Variants in AGBL4 observed in about 807,000 individuals in gnomAD.
AGBL4 encodes the protein cytosolic carboxypeptidase 6.
In AGBL4, 58 loss-of-function variants were observed where a neutral mutation model predicts 66.4. The observed-to-expected ratio is 0.87, with a 90% CI of 0.71 to 1.09. AGBL4 has a LOEUF of 1.09. AGBL4 is among the 50% of genes least tolerant of loss of function. The probability of loss-of-function intolerance (pLI) is 0.00; values close to 1 mark genes in which losing one functional copy is unlikely to be tolerated. For missense variants in AGBL4, 579 were observed against 631.0 expected, an observed-to-expected ratio of 0.92 and a Z score of 0.88; for synonymous variants, 234 against 222.9, an observed-to-expected ratio of 1.05 and a Z score of -0.44.
At chr1:48,568,202 A>G (rs1644505781) in intron 11 of AGBL4, among the ~76,000 whole-genome samples, 1 of 152,148 alleles carries the variant, frequency 6.6e-6, no homozygotes, top group Non-Finnish European at 1.5e-5. Context: ...ATGCTTAAGC[A>G]GGGAACATAA....
chr1:49,976,723 T>C (rs1213286907), intron 1 of AGBL4, among the ~76,000 whole-genome samples: 1 of 152,196 alleles, frequency 6.6e-6, no homozygotes, highest in African/African-American at 2.4e-5. Context: ...GAATATAAAA[T>C]TCCTATGCTA....
At chr1:48,681,750 T>C (rs917136516) in intron 6 of AGBL4, among the ~76,000 whole-genome samples, 2 of 151,948 alleles carry the variant, frequency 1.3e-5, no homozygotes, top group Non-Finnish European at 2.9e-5. Flanking sequence ...AGTAAGGCCT[T>C]GAGGGATGCG....
At chr1:49,943,928 C>T (rs1281841460) in intron 1 of AGBL4, among the ~76,000 whole-genome samples, 1 of 152,036 alleles carries the variant, frequency 6.6e-6, no homozygotes, top group Non-Finnish European at 1.5e-5. Context: ...GAAACAGACT[C>T]AGTGCTGTTG....
At chr1:49,130,093 T>C (rs1292798573) in intron 4 of AGBL4, among the ~76,000 whole-genome samples, 1 of 152,208 alleles carries the variant, frequency 6.6e-6, no homozygotes, top group Non-Finnish European at 1.5e-5. Context: ...CATGTGTCTG[T>C]TGGCTGCATA....
Position 49,216,223 on chromosome 1 carries a change from T to C in AGBL4, c.377+29547A>G, listed in dbSNP as rs1018365610. On this transcript the variant is annotated intron_variant, in intron 4 of 13. Coordinates refer to ENST00000371839, the MANE Select transcript of AGBL4 (RefSeq NM_032785.4). ...AGTTAGACCACTGGTTGCCAATCTC[T>C]GCAAAGACAAAAGCTTTTATTATTT... 4.6e-5 allele frequency among the ~76,000 whole-genome samples: 7 copies of C among 152,300 alleles called. No homozygotes were observed. The Middle Eastern group carries it at 0.01, about 222-fold the overall frequency.
chr1:49,215,053 C>A (rs1015299146), intron 4 of AGBL4, among the ~76,000 whole-genome samples: 3 of 152,126 alleles, frequency 2.0e-5, no homozygotes, highest in Non-Finnish European at 4.4e-5. Flanking sequence ...TTTTTCTCCA[C>A]TGAAATTCTC....
At chr1:49,077,636 A>G (rs1375653364) in intron 4 of AGBL4, among the ~76,000 whole-genome samples, 2 of 152,298 alleles carry the variant, frequency 1.3e-5, no homozygotes, top group African/African-American at 4.8e-5. Context: ...AAAATAACTC[A>G]TTCTTTGACC....
intron 4 of AGBL4, among the ~76,000 whole-genome samples, chr1:49,171,488 CTT>C (rs780317838): frequency 4.4e-3 from 658 of 149,742 alleles, no homozygotes; most frequent in Middle Eastern, 0.01. Flanking sequence ...TTTAAAAAGA[CTT>C]TTTTTTTTCC....
At chr1:49,793,135 G>T (rs530249504) in intron 2 of AGBL4, among the ~76,000 whole-genome samples, 26 of 151,802 alleles carry the variant, frequency 1.7e-4, no homozygotes, top group Admixed American at 3.3e-4. Context: ...TATTTTTATG[G>T]ACTATCTCCC....
At chr1:49,237,547 TATATATATATATATATATATATATATA>T in intron 4 of AGBL4, among the ~76,000 whole-genome samples, 3 of 3,682 alleles carry the variant, frequency 8.1e-4, no homozygotes, top group African/African-American at 1.1e-3. Context: ...TATATATATA[TATATATATATATATATATATATATATA>T]AAACCTATCA....
intron 8 of AGBL4, among the ~76,000 whole-genome samples, chr1:48,636,329 T>C (rs763503728): frequency 2.4e-4 from 36 of 152,262 alleles, no homozygotes; most frequent in Non-Finnish European, 4.1e-4. Flanking sequence ...TAGTGGTAAG[T>C]GCAGCAGTAG....
At chr1:48,965,699 G>A (rs147584573) in intron 5 of AGBL4, among the ~76,000 whole-genome samples, 29 of 152,240 alleles carry the variant, frequency 1.9e-4, no homozygotes, top group African/African-American at 7.0e-4. Flanking sequence ...CATGGACATA[G>A]GCAGGGTTGG....
Position 49,025,028 on chromosome 1 carries a change from G to A in AGBL4, c.594+20556C>T, listed in dbSNP as rs1557571926. The stretch of plus-strand genomic sequence containing the variant: ...GCTAATGTATGAGGAAAAGAGGCAC[G>A]AAGAGTTTGAGTAACTGGCCCAAAG... On this transcript the variant is annotated intron_variant, in intron 5 of 13. Coordinates refer to ENST00000371839, the MANE Select transcript of AGBL4 (RefSeq NM_032785.4). 1.3e-5 allele frequency among the ~76,000 whole-genome samples: 2 copies of A among 152,178 alleles called. 1 individual carries two copies. The highest frequency in any genetic ancestry group is 4.1e-4 in the South Asian group (2 of 4,826).
intron 3 of AGBL4, among the ~76,000 whole-genome samples, chr1:49,426,302 C>G (rs1305415585): frequency 6.6e-6 from 1 of 152,094 alleles, no homozygotes; most frequent in African/African-American, 2.4e-5. Flanking sequence ...TATACTATTT[C>G]TGTTTACTTA....
At chr1:48,746,552 T>G (rs947106986) in intron 6 of AGBL4, among the ~76,000 whole-genome samples, 1 of 152,248 alleles carries the variant, frequency 6.6e-6, no homozygotes, top group East Asian at 1.9e-4. Flanking sequence ...AATTTCTCAC[T>G]CAGCACCATT....
At chr1:49,513,223 T>G (rs1649438726) in intron 3 of AGBL4, among the ~76,000 whole-genome samples, 1 of 152,050 alleles carries the variant, frequency 6.6e-6, no homozygotes, top group Admixed American at 6.6e-5. Flanking sequence ...AAATTCAGAC[T>G]CCTCCGATAT....
At chr1:49,128,912 C>G (rs969060829) in intron 4 of AGBL4, among the ~76,000 whole-genome samples, 1 of 151,374 alleles carries the variant, frequency 6.6e-6, no homozygotes, top group Non-Finnish European at 1.5e-5. Context: ...GAAAAAAATT[C>G]AGAAAATGCA....
chr1:48,818,088 C>A, intron 6 of AGBL4: 3 of 716,008 alleles, frequency 4.2e-6, no homozygotes, highest in Non-Finnish European at 7.8e-6. Flanking sequence ...CCTTCAGAAG[C>A]AAATGATTTC....
At chr1:48,688,513 T>A (rs940240855) in intron 6 of AGBL4, among the ~76,000 whole-genome samples, 1 of 152,078 alleles carries the variant, frequency 6.6e-6, no homozygotes, top group Non-Finnish European at 1.5e-5. Flanking sequence ...CATTGCTGAG[T>A]GTTTGTTGCT....
Sources: allele counts gnomAD v4.1 joint callset (sites outside exome capture counted in the v4.1 genomes callset), GRCh38; gene constraint gnomAD v4.1.1; transcripts MANE v1.5; gene names NCBI Gene and HGNC (gene_info 2026-07-23, HGNC 2026-07-21).